DENND1B: variants seen among roughly 807,000 people sequenced by gnomAD.
DENND1B encodes the protein DENN domain containing 1B, also known as DENN domain-containing protein 1B.
Under a neutral mutation model 90.1 loss-of-function variants are expected in DENND1B, and 59 were observed. The observed-to-expected ratio is 0.65, with a 90% CI of 0.53 to 0.81. DENND1B has a LOEUF of 0.81. Among genes scored for constraint, DENND1B ranks in the 40% least tolerant of loss-of-function variants. The pLI is 0.00. For synonymous variants in DENND1B, 337 were observed against 324.6 expected (o/e 1.04, Z -0.41); for missense variants, 862 against 912.6 (o/e 0.94, Z 0.71).
At chr1:197,581,803 C>G (rs1674268076) in intron 15 of DENND1B, among the ~76,000 whole-genome samples, 2 of 152,232 alleles carry the variant, frequency 1.3e-5, no homozygotes, top group South Asian at 4.2e-4. Flanking sequence ...CCCTAACCCC[C>G]ATATAATTTA....
chr1:197,677,004 C>A (rs192364467), intron 3 of DENND1B, among the ~76,000 whole-genome samples: 10 of 151,754 alleles, frequency 6.6e-5, no homozygotes, highest in African/African-American at 2.4e-4. Context: ...AAAGAATTTA[C>A]TTCAAAAAAA....
intron 14 of DENND1B, among the ~76,000 whole-genome samples, chr1:197,588,061 T>C (rs1001230111): frequency 6.6e-6 from 1 of 152,198 alleles, no homozygotes; most frequent in Non-Finnish European, 1.5e-5. Flanking sequence ...CTTCATTCCC[T>C]TGCCTGCCAC....
intron 2 of DENND1B, among the ~76,000 whole-genome samples, chr1:197,761,463 G>A (rs567960701): frequency 1.6e-4 from 25 of 152,154 alleles, no homozygotes; most frequent in African/African-American, 5.1e-4. Flanking sequence ...TGATGTTCCC[G>A]TGTATTAAAA....
In DENND1B at chr1:197,735,539, C is replaced by T. The variant is rs368088897; in HGVS notation, c.83-20465G>A. ...CTTTAGTGTGAACTATGAAACATTC[C>T]ATTTACAAAGTGTTCTTAGACTTTT... On this transcript the variant is annotated intron_variant, in intron 2 of 22. Coordinates refer to ENST00000620048, the MANE Select transcript of DENND1B (RefSeq NM_001195215.2). 6.2e-6 allele frequency: 10 copies of T among 1,612,784 alleles called. No homozygotes were observed. In the African/African-American group the frequency reaches 8.0e-5, roughly 13 times the overall value.
chr1:197,722,085 T>C (rs1297301764), intron 2 of DENND1B, among the ~76,000 whole-genome samples: 1 of 152,190 alleles, frequency 6.6e-6, no homozygotes, highest in Non-Finnish European at 1.5e-5. Context: ...TTTCTTGCTG[T>C]AATGTCTTAC....
chr1:197,736,017 G>T, intron 2 of DENND1B: 1 of 992,336 alleles, frequency 1.0e-6, no homozygotes, highest in Non-Finnish European at 1.6e-6. Flanking sequence ...ACACTGCAAT[G>T]GCTGCTGTTA....
At chr1:197,720,651 G>A (rs951927828) in intron 2 of DENND1B, among the ~76,000 whole-genome samples, 1 of 152,006 alleles carries the variant, frequency 6.6e-6, no homozygotes, top group East Asian at 1.9e-4. Context: ...TCAGAAGATC[G>A]ACACTTTTGC....
In DENND1B at chr1:197,647,129, G is replaced by C; in HGVS notation, c.448-15C>G. Reference sequence around the variant, plus strand: ...ATCTCTTGGTTCTTATAATACATGAGAGAAAAAAATGAATATTTTACTTTC... The same window carrying C: ...ATCTCTTGGTTCTTATAATACATGACAGAAAAAAATGAATATTTTACTTTC... On this transcript the variant is annotated splice_polypyrimidine_tract_variant and intron_variant, in intron 7 of 22. Coordinates refer to ENST00000620048, the MANE Select transcript of DENND1B (RefSeq NM_001195215.2). 1.4e-6 allele frequency: 2 copies of C among 1,420,130 alleles called. No individual in the cohort carries two copies. The highest frequency in any genetic ancestry group is 2.1e-4 in the Middle Eastern group (1 of 4,704). The allele number at this position is 1,420,130 out of a possible 1,614,324, so 88.0% of individuals were successfully genotyped here. A position where few individuals can be genotyped will look rare whatever the true frequency, so the allele number is the denominator to read the frequency against.
chr1:197,629,757 A>G (rs1679156495), intron 10 of DENND1B, among the ~76,000 whole-genome samples: 1 of 152,054 alleles, frequency 6.6e-6, no homozygotes, highest in African/African-American at 2.4e-5. Flanking sequence ...GAAAATTTAA[A>G]AAGCAGCCAC....
At chr1:197,768,572 T>C (rs899753586) in intron 2 of DENND1B, among the ~76,000 whole-genome samples, 11 of 151,584 alleles carry the variant, frequency 7.3e-5, no homozygotes, top group African/African-American at 2.7e-4. Flanking sequence ...ACACTAGCAA[T>C]TATCTTGGAG....
chr1:197,527,903 C>T (rs1000098616), intron 20 of DENND1B, among the ~76,000 whole-genome samples: 3 of 152,104 alleles, frequency 2.0e-5, no homozygotes, highest in African/African-American at 4.8e-5. Context: ...ACCAGTAAGG[C>T]AAACTATTCA....
chr1:197,752,768 C>T (rs1032080230), intron 2 of DENND1B, among the ~76,000 whole-genome samples: 1 of 151,852 alleles, frequency 6.6e-6, no homozygotes, highest in African/African-American at 2.4e-5. Context: ...GGTATATCAC[C>T]TAATGTTATC....
intron 20 of DENND1B, among the ~76,000 whole-genome samples, chr1:197,534,579 T>C (rs113512389): frequency 3.4e-3 from 518 of 152,318 alleles, no homozygotes; most frequent in Non-Finnish European, 6.0e-3. Flanking sequence ...TTTTCTCTTC[T>C]TTTTGGCTGT....
chr1:197,655,406 AAC>A (rs1653702985), intron 6 of DENND1B, among the ~76,000 whole-genome samples: 2 of 152,212 alleles, frequency 1.3e-5, no homozygotes, highest in Admixed American at 1.3e-4. Context: ...ACAGAGTTAC[AAC>A]CCAGTGTAAA....
At chr1:197,723,286 C>G (rs1661344585) in intron 2 of DENND1B, among the ~76,000 whole-genome samples, 1 of 151,854 alleles carries the variant, frequency 6.6e-6, no homozygotes, top group African/African-American at 2.4e-5. Context: ...CAAACTTAAC[C>G]AAACAGGGCT....
chr1:197,540,615 C>T (rs1670265523), intron 19 of DENND1B, among the ~76,000 whole-genome samples: 1 of 152,106 alleles, frequency 6.6e-6, no homozygotes, highest in Admixed American at 6.5e-5. Context: ...TCCTGGGTTA[C>T]TTCTACACAA....
At position 197,510,813 on chromosome 1, in the gene DENND1B, A is replaced by G; in HGVS notation, c.1975T>C (p.Ser659Pro). 6.2e-7 allele frequency: 1 copy of G among 1,612,326 alleles called. No homozygotes were observed. Among genetic ancestry groups the G allele is most frequent in the Middle Eastern group, 1.7e-4 (1 of 6,046 alleles). ...TTTTCCTCTTTCAGGATAAACAGAG[A>G]ATCTGTCAAACCACTAGAGGAAACC... ...KRVSSSGLTDSLFILKEENSN... is the reference protein window; with the variant it reads ...KRVSSSGLTDPLFILKEENSN... The change falls in exon 23 of 23, where the codon TCT becomes CCT. Residue 659 changes from serine (S) to proline (P), a missense_variant. Physicochemically the swap from Ser to Pro is moderately conservative, Grantham distance 74. Coordinates refer to ENST00000620048, the MANE Select transcript of DENND1B (RefSeq NM_001195215.2).
rs565704837 is a variant in DENND1B, at chr1:197,573,881, G to A, written c.1149+9271C>T. ...GATCATCTCAATAGATGCAGAAAAG[G>A]CCTCTGGCAAAATTCAACATCCCTT... On this transcript the variant is annotated intron_variant, in intron 15 of 22. Coordinates refer to ENST00000620048, the MANE Select transcript of DENND1B (RefSeq NM_001195215.2). Among the ~76,000 whole-genome samples the A allele has an allele frequency of 7.9e-5, 12 of 152,206 alleles. No homozygotes were observed. In the East Asian group the frequency reaches 2.3e-3, roughly 29 times the overall value.
intron 7 of DENND1B, among the ~76,000 whole-genome samples, chr1:197,647,527 C>T (rs1449030069): frequency 6.6e-6 from 1 of 152,078 alleles, no homozygotes; most frequent in East Asian, 1.9e-4. Flanking sequence ...GTGTCCTAGT[C>T]CCAAATTTGT....
Sources: allele counts gnomAD v4.1 joint callset (sites outside exome capture counted in the v4.1 genomes callset), GRCh38; gene constraint gnomAD v4.1.1; transcripts MANE v1.5; gene names NCBI Gene and HGNC (gene_info 2026-07-23, HGNC 2026-07-21).